The following TMCC2 variants were observed in gnomAD, a reference collection of about 807,000 sequenced individuals.
TMCC2 encodes the protein transmembrane and coiled-coil domain family 2.
Under a neutral mutation model 49.4 loss-of-function variants are expected in TMCC2, and 16 were observed. The ratio of observed to expected loss-of-function variants is 0.32; its 90% CI spans 0.22 to 0.49. The LOEUF is 0.49. Among genes scored for constraint, TMCC2 ranks in the 20% least tolerant of loss-of-function variants. TMCC2 has a pLI of 0.99. For missense variants in TMCC2, 762 were observed against 989.8 expected (o/e 0.77, Z 3.09); for synonymous variants, 397 against 434.1 (o/e 0.91, Z 1.06).
At chr1:205,231,297 TA>T (rs1659789288) in intron 1 of TMCC2, among the ~76,000 whole-genome samples, 1 of 151,924 alleles carries the variant, frequency 6.6e-6, no homozygotes, top group East Asian at 1.9e-4. Context: ...TGTCCAAACT[TA>T]TTTATTTATT....
intron 2 of TMCC2, among the ~76,000 whole-genome samples, chr1:205,267,699 T>C (rs1661398746): frequency 6.6e-6 from 1 of 152,120 alleles, no homozygotes; most frequent in Non-Finnish European, 1.5e-5. Context: ...TTTTCCTCCT[T>C]TCTCTCCCTC....
chr1:205,227,979 G>T lies in TMCC2; in HGVS notation c.-586G>T, dbSNP rs1488455969. Reference sequence around the variant, plus strand: ...GCCGCGGGCTCGGGCCGCGGTCGCGGCTTTGCGGCAGGCTGCGCGTCAGGC... The same window carrying T: ...GCCGCGGGCTCGGGCCGCGGTCGCGTCTTTGCGGCAGGCTGCGCGTCAGGC... On this transcript the variant is annotated 5_prime_UTR_variant, in exon 1 of 5. Transcript: ENST00000358024. Among the ~76,000 whole-genome samples the T allele has an allele frequency of 4.7e-5, 7 of 150,142 alleles. No homozygotes were observed. The highest frequency in any genetic ancestry group is 7.4e-5 in the Non-Finnish European group (5 of 67,320).
In TMCC2 at chr1:205,241,479, A is replaced by G. The variant is rs1190530405; in HGVS notation, c.208-26A>G. 2 of 1,609,492 alleles carry G rather than the reference A, an allele frequency of 1.2e-6. No individual in the cohort carries two copies. Among genetic ancestry groups the G allele is most frequent in the Non-Finnish European group, 1.7e-6 (2 of 1,177,970 alleles). On this transcript the variant is annotated intron_variant, in intron 1 of 4. Transcript: ENST00000358024. This position sits in a 1 kb window ranked among gnomAD's most constrained non-coding sequence, Gnocchi z 7.3. ...GGCAATCAAGAGCTTTCCACTCACCAGGGTTCTTCATCTCTCCCCCTTAAG... is the reference window on the plus strand; with the variant it reads ...GGCAATCAAGAGCTTTCCACTCACCGGGGTTCTTCATCTCTCCCCCTTAAG...
intron 2 of TMCC2, among the ~76,000 whole-genome samples, chr1:205,265,951 C>T (rs1661304753): frequency 6.6e-6 from 1 of 151,426 alleles, no homozygotes. Flanking sequence ...ATAAGAGAGA[C>T]AGGTTCTGGG....
chr1:205,232,969 AAC>A (rs1187046344), intron 1 of TMCC2, among the ~76,000 whole-genome samples: 2 of 143,838 alleles, frequency 1.4e-5, no homozygotes, highest in African/African-American at 2.6e-5. Flanking sequence ...AACACAAAAA[AAC>A]ACACACACAA....
At position 205,228,422 on chromosome 1, in the gene TMCC2, TA is replaced by T; in HGVS notation, c.-141del. 1.5e-6 allele frequency: 1 copy of T among 665,510 alleles called. No individual in the cohort carries two copies. The highest frequency in any genetic ancestry group is 2.4e-6 in the Non-Finnish European group (1 of 411,796). The allele number at this position is 665,510 out of a possible 1,614,324, so 41.2% of individuals were successfully genotyped here. A position where few individuals can be genotyped will look rare whatever the true frequency, so the allele number is the denominator to read the frequency against. ...CACCCGCCTTTAAGAATTTTTTTTT[TA>T]ATTCAAGAAATTGTGGTCTGCCATC... On this transcript the variant is annotated 5_prime_UTR_variant, in exon 1 of 5. Transcript: ENST00000358024.
chr1:205,266,571 C>T (rs945903293), intron 2 of TMCC2, among the ~76,000 whole-genome samples: 11 of 146,360 alleles, frequency 7.5e-5, no homozygotes, highest in Non-Finnish European at 1.2e-4. Flanking sequence ...CCAGCCTGGG[C>T]GACAGAGACC....
chr1:205,243,113 A>G (rs1660332391), intron 2 of TMCC2, among the ~76,000 whole-genome samples: 1 of 152,154 alleles, frequency 6.6e-6, no homozygotes, highest in African/African-American at 2.4e-5. Context: ...GGCCAGGCAC[A>G]TGGCTCACAC....
At chr1:205,232,705 T>C (rs943922227) in intron 1 of TMCC2, among the ~76,000 whole-genome samples, 2 of 151,390 alleles carry the variant, frequency 1.3e-5, no homozygotes, top group Admixed American at 1.3e-4. Flanking sequence ...TAGGCCGAGG[T>C]TGGTGGATCA....
In TMCC2 at chr1:205,266,811, C is replaced by T. The variant is rs114871362; in HGVS notation, c.748-2139C>T. On this transcript the variant is annotated intron_variant, in intron 2 of 4. Coordinates refer to ENST00000358024, the MANE Select transcript of TMCC2 (RefSeq NM_014858.4). ...CTTCGCACTATGCCAGCTTGCCAGA[C>T]GTCATCTTGTATAGCTCTCACAAAA... Among the ~76,000 whole-genome samples, 294 of 152,314 alleles carry T rather than the reference C, an allele frequency of 1.9e-3. 1 individual carries two copies. Among genetic ancestry groups the T allele is most frequent in the African/African-American group, 6.5e-3 (270 of 41,566 alleles).
intron 4 of TMCC2, 148 bp downstream of exon 4, chr1:205,271,403 G>T (rs1389553817): frequency 7.5e-7 from 1 of 1,334,270 alleles, no homozygotes; most frequent in Non-Finnish European, 1.1e-6. Context: ...AGAGGGCAGC[G>T]TAGCGGGAGC....
At chr1:205,268,797 G>T in intron 2 of TMCC2, 153 bp from the exon 3 acceptor site, 1 of 692,636 alleles carries the variant, frequency 1.4e-6, no homozygotes, top group South Asian at 1.9e-5. Context: ...CCCTGTGTAA[G>T]TGGCTGTCAG....
chr1:205,262,197 G>A (rs182612105), intron 2 of TMCC2, among the ~76,000 whole-genome samples: 6 of 152,254 alleles, frequency 3.9e-5, no homozygotes, highest in East Asian at 1.9e-4. Flanking sequence ...CTCCCTCCAC[G>A]GGGAAGGAGA....
At chr1:205,229,674 T>TG (rs1659715050) in intron 1 of TMCC2, 1 of 984,906 alleles carries the variant, frequency 1.0e-6, no homozygotes, top group Non-Finnish European at 1.2e-6. Context: ...GGTGGAGAAC[T>TG]GACAGGTGGT....
chr1:205,240,223 C>T (rs76380154), intron 1 of TMCC2, among the ~76,000 whole-genome samples: 16 of 152,358 alleles, frequency 1.1e-4, no homozygotes, highest in East Asian at 9.6e-4. Context: ...CCGGATAAGC[C>T]GTCCCCTGAC....
intron 1 of TMCC2, among the ~76,000 whole-genome samples, chr1:205,235,219 A>T (rs1415451311): frequency 2.0e-5 from 3 of 151,882 alleles, no homozygotes; most frequent in Non-Finnish European, 4.4e-5. Context: ...TAATATTCAG[A>T]GCAGCCCTCT....
rs77588763 is a variant in TMCC2, at chr1:205,241,699, C to A, written c.402C>A (p.Tyr134Ter). The A allele has an allele frequency of 6.2e-7, 1 of 1,613,710 alleles. No homozygotes were observed. The highest frequency in any genetic ancestry group is 8.5e-7 in the Non-Finnish European group (1 of 1,180,012). The change falls in exon 2 of 5, where the codon TAC (tyrosine) becomes TAA (stop). Residue 134 changes from tyrosine to a stop codon, truncating the protein, a stop_gained. Transcript: ENST00000358024. LOFTEE classifies it high-confidence loss of function. This position sits in a 1 kb window ranked among gnomAD's most constrained non-coding sequence, Gnocchi z 7.3. ...CTCCGGAGATGCATCGCGTCTCCTA[C>A]GCCATGTCCCTGCACGACCTGCCCG... ...ERSPEMHRVS[Y>*]AMSLHDLPAR...
intron 1 of TMCC2, among the ~76,000 whole-genome samples, chr1:205,233,041 C>G (rs897857309): frequency 6.9e-6 from 1 of 144,356 alleles, no homozygotes; most frequent in Admixed American, 7.1e-5. Flanking sequence ...TTCTGAGGCC[C>G]AGGATGAGTG....
chr1:205,264,705 T>C lies in TMCC2; in HGVS notation c.748-4245T>C, dbSNP rs1296279362. ...CAGGGTTTCACCATGTTGGCCAGGC[T>C]GGTCTCCAACTCCTAACCTCAGGTG... is the stretch of plus-strand genomic sequence containing the variant. On this transcript the variant is annotated intron_variant, in intron 2 of 4. Transcript: ENST00000358024. The surrounding 1 kb of genome is among the most constrained non-coding windows in gnomAD (Gnocchi z 4.2). 6.6e-6 allele frequency among the ~76,000 whole-genome samples: 1 copy of C among 152,174 alleles called. No individual in the cohort carries two copies. Among genetic ancestry groups the C allele is most frequent in the African/African-American group, 2.4e-5 (1 of 41,434 alleles).
Sources: gnomAD v4.1 joint callset for allele counts (sites outside exome capture counted in the v4.1 genomes callset) on GRCh38, gnomAD v4.1.1 for gene constraint, Gnocchi (gnomAD v3.1) non-coding constraint, MANE v1.5 for transcripts, NCBI Gene and HGNC (gene_info 2026-07-23, HGNC 2026-07-21) for gene names.